Variants in SNTG1 observed in about 807,000 individuals in gnomAD.
SNTG1 encodes the protein syntrophin gamma 1.
A neutral mutation model predicts 74.7 loss-of-function variants in SNTG1; 39 were observed. That is an observed-to-expected ratio of 0.52 (90% confidence interval 0.40 to 0.68). The LOEUF (loss-of-function observed/expected upper bound fraction) is 0.68, where lower values mean the gene tolerates loss of function less well. Among genes scored for constraint, SNTG1 ranks in the 30% least tolerant of loss-of-function variants. SNTG1 has a pLI of 0.00. For missense variants in SNTG1, 685 were observed against 609.5 expected (o/e 1.12, Z -1.30); for synonymous variants, 254 against 217.1 (o/e 1.17, Z -1.49).
chr8:50,596,373 CA>C (rs1450739161), intron 13 of SNTG1, among the ~76,000 whole-genome samples: 1 of 151,928 alleles, frequency 6.6e-6, no homozygotes, highest in Admixed American at 6.6e-5. Flanking sequence ...ATCTGCCTAA[CA>C]CAGGAAATAA....
At position 50,700,622 on chromosome 8, in the gene SNTG1, T is replaced by C. The variant is rs2095420203; in HGVS notation, c.1039-3978T>C. Among the ~76,000 whole-genome samples, 3 of 152,174 alleles carry C rather than the reference T, an allele frequency of 2.0e-5. No homozygotes were observed. The South Asian group carries it at 6.2e-4, about 32-fold the overall frequency. On this transcript the variant is annotated intron_variant, in intron 15 of 18. Transcript: ENST00000642720. ...CTTTTTCAGGCTTGCACCAGGTTGCTCTTGCATTTGTCTTTAAGTCCTTGA... is the reference window on the plus strand; with the variant it reads ...CTTTTTCAGGCTTGCACCAGGTTGCCCTTGCATTTGTCTTTAAGTCCTTGA...
At chr8:50,383,991 T>C (rs935317922) in intron 2 of SNTG1, among the ~76,000 whole-genome samples, 2 of 152,174 alleles carry the variant, frequency 1.3e-5, no homozygotes, top group African/African-American at 4.8e-5. Flanking sequence ...TGAAGACCTC[T>C]AAACCAGAAG....
At chr8:50,789,248 A>G (rs997852340) in intron 18 of SNTG1, among the ~76,000 whole-genome samples, 3 of 151,992 alleles carry the variant, frequency 2.0e-5, no homozygotes, top group East Asian at 1.9e-4. Flanking sequence ...TTCAATGGTC[A>G]ATTTCCAGCT....
rs560233269 is a variant in SNTG1 at position 50,419,433 on chromosome 8, G to C, written c.162+17089G>C. ...GGGAACAAGGACTTTCATCTTTATG[G>C]AGCAAGGCCAACAACAATCCCCCAC... On this transcript the variant is annotated intron_variant, in intron 4 of 18. Transcript: ENST00000642720. 1.2e-4 allele frequency among the ~76,000 whole-genome samples: 18 copies of C among 152,232 alleles called. 1 individual carries two copies. Among genetic ancestry groups the C allele is most frequent in the African/African-American group, 4.1e-4 (17 of 41,538 alleles).
At chr8:50,678,751 T>A (rs1304939793) in intron 15 of SNTG1, among the ~76,000 whole-genome samples, 1 of 152,170 alleles carries the variant, frequency 6.6e-6, no homozygotes, top group Non-Finnish European at 1.5e-5. Flanking sequence ...TGGGATTATA[T>A]CCCATAACTG....
chr8:50,449,146 A>C (rs1163201714), intron 5 of SNTG1, among the ~76,000 whole-genome samples: 1 of 152,204 alleles, frequency 6.6e-6, no homozygotes, highest in Non-Finnish European at 1.5e-5. Flanking sequence ...TCACACAAGG[A>C]GGAATTCAAT....
chr8:50,274,995 CACCT>C (rs1313208406), intron 2 of SNTG1, among the ~76,000 whole-genome samples: 1 of 152,096 alleles, frequency 6.6e-6, no homozygotes, highest in African/African-American at 2.4e-5. Flanking sequence ...GAAGACTTCT[CACCT>C]ATATTTATAA....
At chr8:50,576,939 A>G (rs1563600035) in intron 12 of SNTG1, among the ~76,000 whole-genome samples, 1 of 151,918 alleles carries the variant, frequency 6.6e-6, no homozygotes, top group Non-Finnish European at 1.5e-5. Context: ...ATTCTTTCTT[A>G]TATTTCTTTT....
intron 1 of SNTG1, among the ~76,000 whole-genome samples, chr8:49,918,139 G>T (rs977741051): frequency 6.6e-6 from 1 of 151,918 alleles, no homozygotes; most frequent in African/African-American, 2.4e-5. Flanking sequence ...AATGAACCAC[G>T]ACTTGATGAA....
intron 1 of SNTG1, among the ~76,000 whole-genome samples, chr8:50,008,633 T>A (rs1815477177): frequency 6.6e-6 from 1 of 152,078 alleles, no homozygotes; most frequent in Admixed American, 6.6e-5. Flanking sequence ...ACTGGGTGGA[T>A]AAGAAACAAA....
chr8:50,616,574 T>C lies in SNTG1; in HGVS notation c.849+25657T>C, dbSNP rs554563850. Among the ~76,000 whole-genome samples the C allele has an allele frequency of 2.6e-5, 4 of 152,264 alleles. No homozygotes were observed. The East Asian group carries it at 5.8e-4, about 22-fold the overall frequency. On this transcript the variant is annotated intron_variant, in intron 13 of 18. Coordinates refer to ENST00000642720, the MANE Select transcript of SNTG1 (RefSeq NM_018967.5). The stretch of plus-strand genomic sequence containing the variant: ...CAGGCAGGAAGCCACAGGCAGGCAA[T>C]AGGACATGGATGAGAACAACCAAGT...
At chr8:50,367,340 T>C (rs928057355) in intron 2 of SNTG1, among the ~76,000 whole-genome samples, 3 of 152,126 alleles carry the variant, frequency 2.0e-5, no homozygotes, top group Non-Finnish European at 4.4e-5. Flanking sequence ...AATAGTCATA[T>C]AATTCATTAA....
intron 1 of SNTG1, among the ~76,000 whole-genome samples, chr8:50,153,586 G>A (rs768192911): frequency 9.2e-5 from 14 of 152,146 alleles, no homozygotes; most frequent in East Asian, 1.9e-4. Flanking sequence ...GTTTTGGTGC[G>A]GATGTCCTTT....
At chr8:50,435,785 G>A (rs1278916849) in intron 4 of SNTG1, among the ~76,000 whole-genome samples, 1 of 152,124 alleles carries the variant, frequency 6.6e-6, no homozygotes, top group African/African-American at 2.4e-5. Context: ...ATTAAGATAA[G>A]TGCTGTTTTT....
chr8:50,585,758 A>C (rs878987878), intron 12 of SNTG1, among the ~76,000 whole-genome samples: 1 of 152,130 alleles, frequency 6.6e-6, no homozygotes, highest in Admixed American at 6.5e-5. Flanking sequence ...CCATGTTTTA[A>C]AAATAAATTT....
At chr8:50,533,698 A>G (rs1205868319) in intron 10 of SNTG1, among the ~76,000 whole-genome samples, 1 of 152,212 alleles carries the variant, frequency 6.6e-6, no homozygotes, top group Non-Finnish European at 1.5e-5. Flanking sequence ...TATGAAATAC[A>G]TCAACTCTGT....
At chr8:50,303,858 G>A (rs1195000469) in intron 2 of SNTG1, among the ~76,000 whole-genome samples, 2 of 152,002 alleles carry the variant, frequency 1.3e-5, no homozygotes, top group Admixed American at 1.3e-4. Context: ...TCCATTTGAT[G>A]TTTTTATTTT....
chr8:50,604,426 G>GA (rs913588735), intron 13 of SNTG1, among the ~76,000 whole-genome samples: 49 of 139,914 alleles, frequency 3.5e-4, no homozygotes, highest in Middle Eastern at 7.4e-3. Flanking sequence ...AAAAAAGAAA[G>GA]AAAAAAAAAA....
chr8:50,075,911 C>A (rs1167324317), intron 1 of SNTG1, among the ~76,000 whole-genome samples: 1 of 152,154 alleles, frequency 6.6e-6, no homozygotes, highest in East Asian at 1.9e-4. Context: ...TCAGAAGGAA[C>A]AAACTCCGGA....
Sources: allele counts gnomAD v4.1 joint callset (sites outside exome capture counted in the v4.1 genomes callset), GRCh38; gene constraint gnomAD v4.1.1; transcripts MANE v1.5; gene names NCBI Gene and HGNC (gene_info 2026-07-23, HGNC 2026-07-21).